EPHB2: variants seen among roughly 807,000 people sequenced by gnomAD.
EPHB2 encodes the protein ephrin type-B receptor 2.
A neutral mutation model predicts 96.4 loss-of-function variants in EPHB2; 18 were observed. The ratio of observed to expected loss-of-function variants is 0.19; its 90% CI spans 0.13 to 0.28. EPHB2 has a LOEUF of 0.28. EPHB2 is among the 10% of genes least tolerant of loss of function. EPHB2 has a pLI of 1.00. For missense variants in EPHB2, 989 were observed against 1,355.4 expected, an observed-to-expected ratio of 0.73 and a Z score of 4.25; for synonymous variants, 506 against 534.1, an observed-to-expected ratio of 0.95 and a Z score of 0.72.
intron 1 of EPHB2, among the ~76,000 whole-genome samples, chr1:22,713,773 C>T (rs974363210): frequency 9.2e-5 from 14 of 152,306 alleles, no homozygotes; most frequent in Middle Eastern, 6.8e-3. Context: ...GCTGTCCTGC[C>T]GGTTAAGTCC....
intron 3 of EPHB2, among the ~76,000 whole-genome samples, chr1:22,807,967 C>T (rs1284781909): frequency 6.6e-6 from 1 of 152,030 alleles, no homozygotes; most frequent in Non-Finnish European, 1.5e-5. Context: ...AACCCTGTCT[C>T]TACTAAAAAT....
At chr1:22,781,689 C>T (rs1025056247) in intron 2 of EPHB2, among the ~76,000 whole-genome samples, 1 of 151,212 alleles carries the variant, frequency 6.6e-6, no homozygotes, top group Admixed American at 6.6e-5. Flanking sequence ...ACCATGACAA[C>T]AGGCTGGATG....
rs1640370546 is a variant in EPHB2 at position 22,920,449 on chromosome 1, A to G, written c.*6879A>G. On this transcript the variant is annotated 3_prime_UTR_variant, in exon 16 of 16. Transcript: ENST00000374630. Reference sequence around the variant, plus strand: ...CTGGACAACCACAGGGTGTTGCTGCAAACTCCAGAGCCAGGTGCCTTCCCT... The same window carrying G: ...CTGGACAACCACAGGGTGTTGCTGCGAACTCCAGAGCCAGGTGCCTTCCCT... The G allele has an allele frequency of 6.6e-6, 1 of 152,606 alleles. No individual in the cohort carries two copies. Among genetic ancestry groups the G allele is most frequent in the Non-Finnish European group, 1.5e-5 (1 of 68,290 alleles). The allele number at this position is 152,606 out of a possible 1,614,324, so 9.5% of individuals were successfully genotyped here.
Position 22,734,331 on chromosome 1 carries a change from CAGTT to C in EPHB2, c.61+23291_61+23294del, listed in dbSNP as rs892187376. Among the ~76,000 whole-genome samples, 68 of 152,162 alleles carry C rather than the reference CAGTT, an allele frequency of 4.5e-4. 1 individual carries two copies. The highest frequency in any genetic ancestry group is 1.3e-3 in the African/African-American group (55 of 41,508). On this transcript the variant is annotated intron_variant, in intron 1 of 15. Transcript: ENST00000374630. ...TGAGCTTCACAACATCCTTGTGAGACAGTTAGGGTAGGGCTCCCCAGTCTTCATG... is the reference window on the plus strand; with the variant it reads ...TGAGCTTCACAACATCCTTGTGAGACAGGGTAGGGCTCCCCAGTCTTCATG...
Position 22,908,072 on chromosome 1 carries a change from C to G in EPHB2, c.2256C>G (p.Ile752Met). 6.2e-7 allele frequency: 1 copy of G among 1,614,266 alleles called. No individual in the cohort carries two copies. Among genetic ancestry groups the G allele is most frequent in the Non-Finnish European group, 8.5e-7 (1 of 1,180,050 alleles). ...YVHRDLAARN[I>M]LVNSNLVCKV... ...ACCGTGACCTGGCTGCCCGCAACAT[C>G]CTCGTCAACAGCAACCTGGTCTGCA... The change falls in exon 12 of 16, where the codon ATC (isoleucine) becomes ATG (methionine). Residue 752 changes from isoleucine (I) to methionine (M), a missense_variant. Physicochemically the swap from Ile to Met is conservative, Grantham distance 10 (BLOSUM62 1). Transcript: ENST00000374630.
chr1:22,893,444 T>C (rs896819706), intron 7 of EPHB2, among the ~76,000 whole-genome samples: 1 of 152,220 alleles, frequency 6.6e-6, no homozygotes, highest in Non-Finnish European at 1.5e-5. Flanking sequence ...ATTCTGAAGC[T>C]GCATCCGAGT....
chr1:22,773,615 AAGACCACTCTGTG>A (rs1644408211), intron 1 of EPHB2, among the ~76,000 whole-genome samples: 1 of 152,178 alleles, frequency 6.6e-6, no homozygotes, highest in South Asian at 2.1e-4. Context: ...TTCCTCTGCC[AAGACCACTCTGTG>A]ACCCAGCGGT....
chr1:22,833,697 A>C (rs539396063), intron 3 of EPHB2, among the ~76,000 whole-genome samples: 1 of 152,328 alleles, frequency 6.6e-6, no homozygotes, highest in East Asian at 1.9e-4. Context: ...AAAAAGTTTT[A>C]AATGGATTAT....
intron 3 of EPHB2, among the ~76,000 whole-genome samples, chr1:22,838,589 C>A (rs1041744426): frequency 6.6e-6 from 1 of 152,118 alleles, no homozygotes; most frequent in Non-Finnish European, 1.5e-5. Context: ...CTGGGGTAAG[C>A]TAGCATGTAG....
intron 1 of EPHB2, among the ~76,000 whole-genome samples, chr1:22,743,763 G>A (rs1202389059): frequency 5.3e-5 from 8 of 152,266 alleles, no homozygotes; most frequent in East Asian, 1.9e-4. Context: ...GTGAGCCACC[G>A]TGCCCAGCCC....
At chr1:22,870,247 C>T (rs376596184) in intron 5 of EPHB2, among the ~76,000 whole-genome samples, 2 of 152,206 alleles carry the variant, frequency 1.3e-5, no homozygotes, top group Admixed American at 1.3e-4. Flanking sequence ...GCCATCATGC[C>T]GCCTTTGAAC....
chr1:22,801,216 C>A (rs1249755814), intron 3 of EPHB2, among the ~76,000 whole-genome samples: 1 of 152,206 alleles, frequency 6.6e-6, no homozygotes, highest in African/African-American at 2.4e-5. Context: ...GCTGGAGGTT[C>A]TCTCTCATCT....
intron 1 of EPHB2, among the ~76,000 whole-genome samples, chr1:22,712,220 A>C (rs1343393880): frequency 6.6e-6 from 1 of 152,176 alleles, no homozygotes; most frequent in Non-Finnish European, 1.5e-5. Flanking sequence ...TTGAACAGAT[A>C]GGGAAACCGA....
chr1:22,748,266 A>G (rs934026838), intron 1 of EPHB2, among the ~76,000 whole-genome samples: 3 of 152,110 alleles, frequency 2.0e-5, no homozygotes, highest in Non-Finnish European at 2.9e-5. Context: ...TACCCTGCCA[A>G]CTTGCTTCCT....
intron 1 of EPHB2, 112 bp from the exon 2 acceptor site, chr1:22,781,309 G>A (rs1458680990): frequency 9.4e-7 from 1 of 1,064,406 alleles, no homozygotes; most frequent in East Asian, 2.7e-5. Context: ...GACAGAGCCA[G>A]ACTCCGTCTA....
At chr1:22,812,870 G>A (rs527270063) in intron 3 of EPHB2, among the ~76,000 whole-genome samples, 1 of 152,134 alleles carries the variant, frequency 6.6e-6, no homozygotes, top group Non-Finnish European at 1.5e-5. Context: ...CCAGATTGAC[G>A]ACTTGGTGGA....
At chr1:22,715,181 T>C (rs115316882) in intron 1 of EPHB2, among the ~76,000 whole-genome samples, 67 of 152,276 alleles carry the variant, frequency 4.4e-4, no homozygotes, top group African/African-American at 1.3e-3. Flanking sequence ...GTGATAAGTA[T>C]TGGGAGAATG....
intron 1 of EPHB2, among the ~76,000 whole-genome samples, chr1:22,711,405 G>T (rs1317533127): frequency 1.3e-5 from 2 of 149,406 alleles, no homozygotes; most frequent in Non-Finnish European, 3.0e-5. Context: ...GTGGAGGGGC[G>T]CGGGCCCGGC....
intron 1 of EPHB2, among the ~76,000 whole-genome samples, chr1:22,711,781 CG>C (rs1643155204): frequency 6.6e-6 from 1 of 152,176 alleles, no homozygotes; most frequent in Non-Finnish European, 1.5e-5. Flanking sequence ...CAGCTGCCGC[CG>C]GGGCCGGACC....
Sources: allele counts gnomAD v4.1 joint callset (sites outside exome capture counted in the v4.1 genomes callset), GRCh38; gene constraint gnomAD v4.1.1; transcripts MANE v1.5; gene names NCBI Gene and HGNC (gene_info 2026-07-23, HGNC 2026-07-21).